ERBB4: variants seen among roughly 807,000 people sequenced by gnomAD.
ERBB4 encodes erb-b2 receptor tyrosine kinase 4, also known as receptor tyrosine-protein kinase erbB-4.
A neutral mutation model predicts 158.0 loss-of-function variants in ERBB4; 42 were observed. The ratio of observed to expected loss-of-function variants is 0.27; its 90% CI spans 0.21 to 0.34. The LOEUF is 0.34. Ranked by LOEUF, ERBB4 falls within the 10% of genes least tolerant of loss-of-function variation. ERBB4 has a pLI of 1.00. For synonymous variants in ERBB4, 583 were observed against 558.7 expected (o/e 1.04, Z -0.61); for missense variants, 1,333 against 1,624.1 (o/e 0.82, Z 3.08).
At position 212,036,257 on chromosome 2, in the gene ERBB4, T is replaced by G. The variant is rs533897900; in HGVS notation, c.234+88495A>C. Among the ~76,000 whole-genome samples, 3 of 152,212 alleles carry G rather than the reference T, an allele frequency of 2.0e-5. No homozygotes were observed. The East Asian group carries it at 5.8e-4, about 29-fold the overall frequency. On this transcript the variant is annotated intron_variant, in intron 2 of 27. Transcript: ENST00000342788. Reference sequence around the variant, plus strand: ...TGTGAGAATGTCTTCAAACAAAACTTGATTTAAAAAAAGGATAAAACAGTT... The same window carrying G: ...TGTGAGAATGTCTTCAAACAAAACTGGATTTAAAAAAAGGATAAAACAGTT...
intron 1 of ERBB4, among the ~76,000 whole-genome samples, chr2:212,134,387 C>G (rs555383732): frequency 1.3e-5 from 2 of 151,696 alleles, no homozygotes; most frequent in South Asian, 4.1e-4. Flanking sequence ...ATATCTTTAT[C>G]AGATGTGATT....
At chr2:212,105,687 A>G (rs991938427) in intron 2 of ERBB4, among the ~76,000 whole-genome samples, 2 of 152,210 alleles carry the variant, frequency 1.3e-5, no homozygotes, top group African/African-American at 4.8e-5. Flanking sequence ...AACTCAAGCT[A>G]TACAACACTG....
chr2:212,443,171 C>T (rs1207760886), intron 1 of ERBB4, among the ~76,000 whole-genome samples: 1 of 152,206 alleles, frequency 6.6e-6, no homozygotes, highest in East Asian at 1.9e-4. Flanking sequence ...CCTTTACTGT[C>T]CTACCTCAGG....
At chr2:212,102,174 T>C (rs1257631725) in intron 2 of ERBB4, among the ~76,000 whole-genome samples, 1 of 147,884 alleles carries the variant, frequency 6.8e-6, no homozygotes, top group East Asian at 2.0e-4. Context: ...ATCTTTTTTC[T>C]TTACCGCTGG....
intron 12 of ERBB4, among the ~76,000 whole-genome samples, chr2:211,683,729 C>T (rs1574980210): frequency 1.5e-5 from 2 of 136,612 alleles, no homozygotes; most frequent in African/African-American, 5.7e-5. Flanking sequence ...ATGGTAGTAA[C>T]ACTTTAGTCA....
In ERBB4 at chr2:211,948,570, C is replaced by A. The variant is rs1178591223; in HGVS notation, c.235-954G>T. On this transcript the variant is annotated intron_variant, in intron 2 of 27. Transcript: ENST00000342788. ...GTTAATTATTTGAGGGTTTGTGAGA[C>A]ATTTTAAAGCAAAACAGTGTCATGA... Among the ~76,000 whole-genome samples the A allele has an allele frequency of 2.0e-5, 3 of 150,534 alleles. No homozygotes were observed. In the East Asian group the frequency reaches 5.9e-4, roughly 29 times the overall value.
intron 12 of ERBB4, among the ~76,000 whole-genome samples, chr2:211,699,760 G>C (rs2073163067): frequency 6.6e-6 from 1 of 151,926 alleles, no homozygotes; most frequent in Admixed American, 6.6e-5. Flanking sequence ...GCATAACACT[G>C]AAAGTTTAAA....
intron 5 of ERBB4, among the ~76,000 whole-genome samples, chr2:211,725,790 A>G (rs2074247056): frequency 6.6e-6 from 1 of 151,896 alleles, no homozygotes. Context: ...CATAAATGTT[A>G]AGTTAATTCA....
intron 5 of ERBB4, among the ~76,000 whole-genome samples, chr2:211,736,279 C>G (rs1490924267): frequency 6.6e-6 from 1 of 151,906 alleles, no homozygotes; most frequent in Non-Finnish European, 1.5e-5. Context: ...GTACAAATAA[C>G]ATTGTATTAT....
At chr2:212,538,015 C>T (rs576068961) in intron 1 of ERBB4, among the ~76,000 whole-genome samples, 125 of 152,286 alleles carry the variant, frequency 8.2e-4, no homozygotes, top group Middle Eastern at 3.4e-3. Context: ...GCCCTTCGGG[C>T]TCGGCTCGGG....
intron 1 of ERBB4, among the ~76,000 whole-genome samples, chr2:212,483,776 G>T (rs929210213): frequency 1.3e-5 from 2 of 151,854 alleles, no homozygotes; most frequent in African/African-American, 4.8e-5. Context: ...TTGCTCTATT[G>T]CCCAGGCTGG....
At chr2:212,103,355 T>TAC (rs1376567239) in intron 2 of ERBB4, among the ~76,000 whole-genome samples, 2 of 152,126 alleles carry the variant, frequency 1.3e-5, no homozygotes, top group African/African-American at 4.8e-5. Flanking sequence ...TAAAATTATC[T>TAC]AGTACCTACA....
chr2:211,705,020 G>A (rs1387755977), intron 10 of ERBB4, among the ~76,000 whole-genome samples: 12 of 152,216 alleles, frequency 7.9e-5, no homozygotes, highest in African/African-American at 2.2e-4. Flanking sequence ...GCAGCAGCGT[G>A]ATCTTGGCTC....
intron 2 of ERBB4, among the ~76,000 whole-genome samples, chr2:212,011,633 C>T (rs1256068006): frequency 1.3e-5 from 2 of 151,846 alleles, no homozygotes; most frequent in Non-Finnish European, 2.9e-5. Flanking sequence ...GTCTGTAATC[C>T]AAGCCACTCA....
In ERBB4 at chr2:211,422,365, TAA is replaced by T. The variant is rs376283405; in HGVS notation, c.2867-263_2867-262del. ...GATGTGTATAGACGTGACTGCAATA[TAA>T]GTTATTATTTTGTATTAGGAGTGAC... is the stretch of plus-strand genomic sequence containing the variant. On this transcript the variant is annotated intron_variant, in intron 23 of 27. Coordinates refer to ENST00000342788, the MANE Select transcript of ERBB4 (RefSeq NM_005235.3). 2.6e-5 allele frequency among the ~76,000 whole-genome samples: 4 copies of T among 151,632 alleles called. No homozygotes were observed. In the East Asian group the frequency reaches 7.8e-4, roughly 29 times the overall value.
intron 3 of ERBB4, among the ~76,000 whole-genome samples, chr2:211,822,558 C>A (rs2077017914): frequency 6.6e-6 from 1 of 152,030 alleles, no homozygotes; most frequent in Non-Finnish European, 1.5e-5. Context: ...TTCAGGGAAG[C>A]TATCCTGATG....
intron 9 of ERBB4, among the ~76,000 whole-genome samples, chr2:211,710,929 A>T (rs947530918): frequency 6.6e-6 from 1 of 151,962 alleles, no homozygotes; most frequent in African/African-American, 2.4e-5. Context: ...TATTAACAGC[A>T]TGATAACTGA....
At chr2:211,578,849 C>A (rs569268571) in intron 19 of ERBB4, among the ~76,000 whole-genome samples, 1 of 152,202 alleles carries the variant, frequency 6.6e-6, no homozygotes, top group East Asian at 1.9e-4. Flanking sequence ...ATTATAAAAA[C>A]CCTAGAAGAA....
chr2:211,885,704 C>G (rs900137946), intron 3 of ERBB4, among the ~76,000 whole-genome samples: 1 of 152,120 alleles, frequency 6.6e-6, no homozygotes, highest in African/African-American at 2.4e-5. Context: ...AGGTAATCTG[C>G]CCGCCTTGGC....
Sources: allele counts gnomAD v4.1 joint callset (sites outside exome capture counted in the v4.1 genomes callset), GRCh38; gene constraint gnomAD v4.1.1; transcripts MANE v1.5; gene names NCBI Gene and HGNC (gene_info 2026-07-23, HGNC 2026-07-21).